The following PCDHGA7 variants were observed in gnomAD, a reference collection of about 807,000 sequenced individuals.
PCDHGA7 encodes the protein protocadherin gamma subfamily A, 7, also known as protocadherin gamma-A7.
Under a neutral mutation model 58.3 loss-of-function variants are expected in PCDHGA7, and 44 were observed. That is an observed-to-expected ratio of 0.75 (90% CI 0.59 to 0.97). The LOEUF (loss-of-function observed/expected upper bound fraction) is 0.97, where lower values mean the gene tolerates loss of function less well. PCDHGA7 is among the 50% of genes least tolerant of loss of function. The pLI is 0.00. For synonymous variants in PCDHGA7, 516 were observed against 504.2 expected (o/e 1.02, Z -0.31); for missense variants, 1,266 against 1,188.7 (o/e 1.06, Z -0.96).
rs1373988780 is a variant in PCDHGA7, at chr5:141,404,040, G to A, written c.2424+18717G>A. 1.9e-5 allele frequency: 30 copies of A among 1,613,694 alleles called. No homozygotes were observed. The highest frequency in any genetic ancestry group is 2.3e-5 in the Non-Finnish European group (27 of 1,179,836). On this transcript the variant is annotated intron_variant, in intron 1 of 3. Transcript: ENST00000518325. Reference sequence around the variant, plus strand: ...CCAGTGAGAGAAGACGCACCTCAGGGAACAGTAATTCTTCTTTTCAATGCT... The same window carrying A: ...CCAGTGAGAGAAGACGCACCTCAGGAAACAGTAATTCTTCTTTTCAATGCT...
At chr5:141,454,203 T>C (rs981646952) in intron 1 of PCDHGA7, among the ~76,000 whole-genome samples, 2 of 152,148 alleles carry the variant, frequency 1.3e-5, no homozygotes, top group African/African-American at 4.8e-5. Flanking sequence ...GGTGAATTTA[T>C]TGACATGAAT....
rs1468315559 is a variant in PCDHGA7 at position 141,493,636 on chromosome 5, G to A, written c.2425-1171G>A. 1.3e-5 allele frequency among the ~76,000 whole-genome samples: 2 copies of A among 152,130 alleles called. No individual in the cohort carries two copies. Among genetic ancestry groups the A allele is most frequent in the Non-Finnish European group, 2.9e-5 (2 of 68,040 alleles). The stretch of plus-strand genomic sequence containing the variant: ...TGTGTCTAAGAATACAGTGGCTGAG[G>A]GCTGGCCATCCCTGTGCCCTTCTCC... On this transcript the variant is annotated intron_variant, in intron 1 of 3. Transcript: ENST00000518325. The surrounding 1 kb of genome is among the most constrained non-coding windows in gnomAD (Gnocchi z 4.3).
At chr5:141,445,808 T>A (rs1004030960) in intron 1 of PCDHGA7, among the ~76,000 whole-genome samples, 1 of 152,182 alleles carries the variant, frequency 6.6e-6, no homozygotes, top group Non-Finnish European at 1.5e-5. Flanking sequence ...AATAAATAGA[T>A]GAAACTAATA....
In PCDHGA7 at chr5:141,493,307, AAG is replaced by A. The variant is rs2099747490; in HGVS notation, c.2425-1494_2425-1493del. Among the ~76,000 whole-genome samples, 1 of 152,234 alleles carries A rather than the reference AAG, an allele frequency of 6.6e-6. No homozygotes were observed. Among genetic ancestry groups the A allele is most frequent in the South Asian group, 2.1e-4 (1 of 4,832 alleles). ...ACTTGCTCAAGTTCACAGAGCAAGT[AAG>A]AGAGATTCTAACCCCTGTCTAACTC... On this transcript the variant is annotated intron_variant, in intron 1 of 3. Transcript: ENST00000518325. This position sits in a 1 kb window ranked among gnomAD's most constrained non-coding sequence, Gnocchi z 4.3.
rs766865642 is a variant in PCDHGA7, at chr5:141,400,084, A to G, written c.2424+14761A>G. 34 of 1,613,852 alleles carry G rather than the reference A, an allele frequency of 2.1e-5. No homozygotes were observed. The highest frequency in any genetic ancestry group is 2.0e-4 in the Admixed American group (12 of 60,006). On this transcript the variant is annotated intron_variant, in intron 1 of 3. Transcript: ENST00000518325. The stretch of plus-strand genomic sequence containing the variant: ...TGGTGGACAGCCGCCACTCTCCGCC[A>G]CCGCCACGCTGCACTTGGTCTTTGC...
At position 141,493,223 on chromosome 5, in the gene PCDHGA7, A is replaced by G. The variant is rs2099747083; in HGVS notation, c.2425-1584A>G. Among the ~76,000 whole-genome samples, 1 of 152,142 alleles carries G rather than the reference A, an allele frequency of 6.6e-6. No homozygotes were observed. The highest frequency in any genetic ancestry group is 6.6e-5 in the Admixed American group (1 of 15,262). On this transcript the variant is annotated intron_variant, in intron 1 of 3. Transcript: ENST00000518325. The surrounding 1 kb of genome is among the most constrained non-coding windows in gnomAD (Gnocchi z 4.3). ...CCTCATCTCATTTGCTCTTCCCACC[A>G]TTGCTGTTGGCTAGGTACTAACATG...
Position 141,476,793 on chromosome 5 carries a change from C to T in PCDHGA7, c.2425-18014C>T, listed in dbSNP as rs754785656. ...GACGGAGGGACCCCAGCTCTCTCCG[C>T]CAGCCTGCCTATTCACATCAAGGTG... On this transcript the variant is annotated intron_variant, in intron 1 of 3. Transcript: ENST00000518325. The surrounding 1 kb of genome is among the most constrained non-coding windows in gnomAD (Gnocchi z 7.6). 1.2e-6 allele frequency: 2 copies of T among 1,613,642 alleles called. No homozygotes were observed. The highest frequency in any genetic ancestry group is 2.2e-5 in the East Asian group (1 of 44,868).
Position 141,454,782 on chromosome 5 carries a change from C to A in PCDHGA7, c.2425-40025C>A, listed in dbSNP as rs116242508. On this transcript the variant is annotated intron_variant, in intron 1 of 3. Transcript: ENST00000518325. ...GACATGTTTTTTACAAGGAAATAAT[C>A]CTCCATGGTTCTAATTTTTTTTTTT... is the stretch of plus-strand genomic sequence containing the variant. 8.4e-3 allele frequency among the ~76,000 whole-genome samples: 1,205 copies of A among 143,216 alleles called. 20 individuals are homozygous for A. Among genetic ancestry groups the A allele is most frequent in the African/African-American group, 0.03 (1,150 of 37,952 alleles). The allele number at this position is 143,216 out of a possible 152,430, so 94.0% of individuals were successfully genotyped here. A position where few individuals can be genotyped will look rare whatever the true frequency, so the allele number is the denominator to read the frequency against.
chr5:141,398,545 C>T (rs774657005), intron 1 of PCDHGA7: 2 of 1,613,768 alleles, frequency 1.2e-6, no homozygotes, highest in Non-Finnish European at 1.7e-6. Flanking sequence ...TTCCTTTGAG[C>T]TGCAAATAAG....
At chr5:141,488,797 T>G (rs1451050520) in intron 1 of PCDHGA7, among the ~76,000 whole-genome samples, 6 of 152,158 alleles carry the variant, frequency 3.9e-5, no homozygotes, top group Non-Finnish European at 8.8e-5. Context: ...TCTTCCCTGT[T>G]GAGTACCATC....
At chr5:141,386,979 T>C (rs2090768348) in intron 1 of PCDHGA7, among the ~76,000 whole-genome samples, 1 of 152,202 alleles carries the variant, frequency 6.6e-6, no homozygotes, top group South Asian at 2.1e-4. Flanking sequence ...ACTTTGTGTT[T>C]TGAGGCTATG....
chr5:141,403,259 C>G, intron 1 of PCDHGA7: 1 of 1,613,866 alleles, frequency 6.2e-7, no homozygotes, highest in South Asian at 1.1e-5. Context: ...CCCGCGGTGT[C>G]TGGTGAACTT....
At position 141,431,542 on chromosome 5, in the gene PCDHGA7, G is replaced by C; in HGVS notation, c.2424+46219G>C. On this transcript the variant is annotated intron_variant, in intron 1 of 3. Coordinates refer to ENST00000518325, the MANE Select transcript of PCDHGA7 (RefSeq NM_018920.4). The surrounding 1 kb of genome is among the most constrained non-coding windows in gnomAD (Gnocchi z 4.8). ...AGAATCTGGCCTTGGGCACGCAGCT[G>C]CTTGTAGTCAACGCTACCGACCCTG... The C allele has an allele frequency of 1.9e-6, 3 of 1,614,124 alleles. No homozygotes were observed. The highest frequency in any genetic ancestry group is 1.1e-5 in the South Asian group (1 of 91,086).
In PCDHGA7 at chr5:141,489,681, A is replaced by T; in HGVS notation, c.2425-5126A>T. ...AGATGCGCATCTCAGAATCAGCAGC[A>T]TCTGGGGCACGATTCCCACTGGACA... On this transcript the variant is annotated intron_variant, in intron 1 of 3. Transcript: ENST00000518325. This position sits in a 1 kb window ranked among gnomAD's most constrained non-coding sequence, Gnocchi z 4.5. 1 of 1,614,174 alleles carries T rather than the reference A, an allele frequency of 6.2e-7. No individual in the cohort carries two copies. The highest frequency in any genetic ancestry group is 8.5e-7 in the Non-Finnish European group (1 of 1,180,010).
At chr5:141,460,985 A>G (rs553462661) in intron 1 of PCDHGA7, among the ~76,000 whole-genome samples, 245 of 91,804 alleles carry the variant, frequency 2.7e-3, no homozygotes, top group Middle Eastern at 5.0e-3. Context: ...GTGTGTGTGT[A>G]TATATATATA....
chr5:141,478,164 C>T, intron 1 of PCDHGA7: 1 of 1,614,010 alleles, frequency 6.2e-7, no homozygotes, highest in Non-Finnish European at 8.5e-7. Context: ...GGCTCTGCCC[C>T]CCGGGAGCAG....
At position 141,477,742 on chromosome 5, in the gene PCDHGA7, G is replaced by C; in HGVS notation, c.2425-17065G>C. 2 of 1,613,800 alleles carry C rather than the reference G, an allele frequency of 1.2e-6. No individual in the cohort carries two copies. Among genetic ancestry groups the C allele is most frequent in the Non-Finnish European group, 1.7e-6 (2 of 1,180,030 alleles). ...AATTAACAGCTCATATCAGCGATGG[G>C]GGCACCCCGGTCCTAGCCACCAACA... On this transcript the variant is annotated intron_variant, in intron 1 of 3. Coordinates refer to ENST00000518325, the MANE Select transcript of PCDHGA7 (RefSeq NM_018920.4). The surrounding 1 kb of genome is among the most constrained non-coding windows in gnomAD (Gnocchi z 4.9).
rs1467125550 is a variant in PCDHGA7 at position 141,511,799 on chromosome 5, T to G, written c.*626T>G. 6.4e-6 allele frequency: 1 copy of G among 157,228 alleles called. No homozygotes were observed. The highest frequency in any genetic ancestry group is 1.4e-5 in the Non-Finnish European group (1 of 70,874). 9.7% of individuals were successfully genotyped at this position (157,228 alleles called of 1,614,324 possible). ...TGCTTGCTGGATTTAGGGAGGGCAT[T>G]TTGCTACCAAGCCTCTTCCCAACGC... On this transcript the variant is annotated 3_prime_UTR_variant, in exon 4 of 4. Coordinates refer to ENST00000518325, the MANE Select transcript of PCDHGA7 (RefSeq NM_018920.4).
At chr5:141,435,383 G>C (rs1057246190) in intron 1 of PCDHGA7, among the ~76,000 whole-genome samples, 4 of 151,898 alleles carry the variant, frequency 2.6e-5, no homozygotes, top group Admixed American at 2.0e-4. Flanking sequence ...ACAATATACC[G>C]TATTGCCATG....
Sources: allele counts gnomAD v4.1 joint callset (sites outside exome capture counted in the v4.1 genomes callset), GRCh38; gene constraint gnomAD v4.1.1; non-coding constraint Gnocchi (gnomAD v3.1); transcripts MANE v1.5; gene names NCBI Gene and HGNC (gene_info 2026-07-23, HGNC 2026-07-21).